The following KAZN variants were observed in gnomAD, a reference collection of about 807,000 sequenced individuals.
KAZN encodes kazrin, periplakin interacting protein.
A neutral mutation model predicts 87.4 loss-of-function variants in KAZN; 40 were observed. The ratio of observed to expected loss-of-function variants is 0.46; its 90% CI spans 0.36 to 0.60. The LOEUF (loss-of-function observed/expected upper bound fraction) is 0.60. Ranked by LOEUF, KAZN falls within the 20% of genes least tolerant of loss-of-function variation. The probability of loss-of-function intolerance (pLI) is 0.00; values close to 1 mark genes in which losing one functional copy is unlikely to be tolerated. For missense variants in KAZN, 898 were observed against 1,073.9 expected (o/e 0.84, Z 2.29); for synonymous variants, 466 against 458.3 (o/e 1.02, Z -0.22).
At chr1:14,105,265 C>T (rs1644343182) in intron 1 of KAZN, among the ~76,000 whole-genome samples, 2 of 152,118 alleles carry the variant, frequency 1.3e-5, no homozygotes, top group African/African-American at 4.8e-5. Flanking sequence ...GTGTGTATAA[C>T]AAAAAGAACC....
At chr1:14,418,754 T>C (rs1024468746) in intron 2 of KAZN, among the ~76,000 whole-genome samples, 2 of 152,338 alleles carry the variant, frequency 1.3e-5, no homozygotes, top group Admixed American at 1.3e-4. Context: ...GGACTCTCCC[T>C]AGCTCTGAAG....
chr1:14,152,316 T>C (rs1458762856), intron 1 of KAZN, among the ~76,000 whole-genome samples: 1 of 152,186 alleles, frequency 6.6e-6, no homozygotes, highest in East Asian at 1.9e-4. Context: ...TAAGCATCCG[T>C]ACCTCCCCCT....
At chr1:14,561,912 AAAG>A (rs1306017159) in intron 2 of KAZN, among the ~76,000 whole-genome samples, 1 of 151,914 alleles carries the variant, frequency 6.6e-6, no homozygotes, top group Non-Finnish European at 1.5e-5. Context: ...TCAAAAAAAA[AAAG>A]AAGAAAAAAG....
At chr1:14,348,174 C>T (rs1196998486) in intron 2 of KAZN, among the ~76,000 whole-genome samples, 1 of 151,842 alleles carries the variant, frequency 6.6e-6, no homozygotes, top group Non-Finnish European at 1.5e-5. Flanking sequence ...CCTCAGCCTC[C>T]CACGTAGCTG....
rs538022659 is a variant in KAZN, at chr1:14,419,730, G to A, written c.250-179253G>A. Among the ~76,000 whole-genome samples the A allele has an allele frequency of 1.1e-4, 16 of 152,202 alleles. No homozygotes were observed. The East Asian group carries it at 2.9e-3, about 28-fold the overall frequency. ...AAGAGTGAAGCCGCAGACCTCCGCG[G>A]TGAGCGTTAGGACTCTTAAGGCGGT... On this transcript the variant is annotated intron_variant, in intron 2 of 16. Transcript: ENST00000636203.
chr1:14,703,351 G>A (rs1219637984), intron 1 of KAZN, among the ~76,000 whole-genome samples: 1 of 152,166 alleles, frequency 6.6e-6, no homozygotes. Flanking sequence ...ATTGAATCAT[G>A]GGAGCAGTTT....
At chr1:14,739,625 C>G (rs1447632329) in intron 1 of KAZN, among the ~76,000 whole-genome samples, 2 of 151,800 alleles carry the variant, frequency 1.3e-5, no homozygotes, top group Non-Finnish European at 2.9e-5. Flanking sequence ...GCTTTCAAGA[C>G]GTTTCACATG....
rs760059536 is a variant in KAZN, at chr1:14,273,421, T to G, written c.249+92829T>G. The stretch of plus-strand genomic sequence containing the variant: ...GAAATAAGTCTTAATGATATATGTA[T>G]ATGAACCTCTAATTTTTAAATTGCT... On this transcript the variant is annotated intron_variant, in intron 2 of 16. Coordinates refer to the KAZN transcript ENST00000636203. 6.4e-4 allele frequency among the ~76,000 whole-genome samples: 98 copies of G among 152,308 alleles called. 1 individual carries two copies. The highest frequency in any genetic ancestry group is 1.8e-3 in the Admixed American group (28 of 15,292).
chr1:14,816,395 G>T (rs750590973), intron 1 of KAZN, among the ~76,000 whole-genome samples: 3 of 152,262 alleles, frequency 2.0e-5, no homozygotes, highest in Non-Finnish European at 4.4e-5. Flanking sequence ...TGCTCCCTCA[G>T]GTTGTGGTCA....
chr1:14,022,038 G>A (rs932407), intron 1 of KAZN, among the ~76,000 whole-genome samples: 89,603 of 145,772 alleles, frequency 0.61, 28,352 homozygotes, highest in South Asian at 0.8. Context: ...AAGCACTGAT[G>A]TCAGCCGGAT....
intron 1 of KAZN, among the ~76,000 whole-genome samples, chr1:13,935,193 C>T (rs75975810): frequency 0.099 from 14,889 of 151,108 alleles, 998 homozygotes; most frequent in South Asian, 0.21. Flanking sequence ...GCCGAGATGG[C>T]GCCATTGCAC....
At chr1:15,019,263 G>C (rs374532075) in intron 2 of KAZN, among the ~76,000 whole-genome samples, 2 of 152,146 alleles carry the variant, frequency 1.3e-5, no homozygotes, top group African/African-American at 4.8e-5. Flanking sequence ...GCTACACCAG[G>C]GACTGCCTAC....
chr1:13,938,856 G>T lies in KAZN; in HGVS notation c.91+45100G>T, dbSNP rs193054739. Among the ~76,000 whole-genome samples, 1,011 of 152,360 alleles carry T rather than the reference G, an allele frequency of 6.6e-3. 7 individuals carry two copies. The highest frequency in any genetic ancestry group is 0.011 in the Non-Finnish European group (724 of 68,030). The stretch of plus-strand genomic sequence containing the variant: ...TGGAAGTTGCCAAGGCCTATGGTTT[G>T]CACCCTCTGCAGCATGAGCTGTACT... On this transcript the variant is annotated intron_variant, in intron 1 of 16. Transcript: ENST00000636203.
chr1:15,098,891 C>T (rs1026346901), intron 10 of KAZN, among the ~76,000 whole-genome samples: 2 of 152,238 alleles, frequency 1.3e-5, no homozygotes, highest in African/African-American at 4.8e-5. Flanking sequence ...GGGCCCTGGA[C>T]ATTCACAGAT....
intron 1 of KAZN, among the ~76,000 whole-genome samples, chr1:14,883,283 G>A (rs935319836): frequency 7.1e-6 from 1 of 141,268 alleles, no homozygotes; most frequent in Admixed American, 7.4e-5. Flanking sequence ...CAAGAAAAGC[G>A]AAACTCCATC....
intron 1 of KAZN, among the ~76,000 whole-genome samples, chr1:14,916,258 C>A (rs529098275): frequency 1.3e-5 from 2 of 151,050 alleles, no homozygotes; most frequent in African/African-American, 2.4e-5. Context: ...CAGCCTCCAC[C>A]TCCCGGGTTC....
At chr1:14,046,959 G>C (rs990904611) in intron 1 of KAZN, among the ~76,000 whole-genome samples, 7 of 152,210 alleles carry the variant, frequency 4.6e-5, no homozygotes, top group African/African-American at 1.4e-4. Context: ...CTGGTTGGGG[G>C]TTAGGGTGCC....
chr1:14,202,757 A>G (rs1032886503), intron 2 of KAZN, among the ~76,000 whole-genome samples: 5 of 152,120 alleles, frequency 3.3e-5, no homozygotes, highest in African/African-American at 1.2e-4. Flanking sequence ...AACCATGGGA[A>G]GATAAAAATC....
chr1:15,043,919 C>T (rs765525905), intron 3 of KAZN, 70 bp from the exon 4 acceptor site: 4 of 1,474,298 alleles, frequency 2.7e-6, no homozygotes, highest in Non-Finnish European at 3.6e-6. Flanking sequence ...TAGGCCCCCT[C>T]TAGGCATCCC....
Sources: allele counts gnomAD v4.1 joint callset (sites outside exome capture counted in the v4.1 genomes callset), GRCh38; gene constraint gnomAD v4.1.1; transcripts MANE v1.5; gene names NCBI Gene and HGNC (gene_info 2026-07-23, HGNC 2026-07-21).